Variants in TOX2 observed in about 807,000 individuals in gnomAD.
TOX2 encodes TOX high mobility group box family member 2.
Under a neutral mutation model 47.4 loss-of-function variants are expected in TOX2, and 15 were observed. The ratio of observed to expected loss-of-function variants is 0.32; its 90% CI spans 0.21 to 0.49. TOX2 has a LOEUF of 0.49. Among genes scored for constraint, TOX2 ranks in the 20% least tolerant of loss-of-function variants. The pLI, the probability that TOX2 is intolerant of heterozygous loss-of-function variation, is 0.99. For missense variants in TOX2, 622 were observed against 673.1 expected (o/e 0.92, Z 0.84); for synonymous variants, 290 against 296.6 (o/e 0.98, Z 0.23).
intron 2 of TOX2, among the ~76,000 whole-genome samples, chr20:43,976,654 C>T (rs992480647): frequency 1.5e-4 from 23 of 152,184 alleles, no homozygotes; most frequent in Non-Finnish European, 4.4e-5. Flanking sequence ...TTAGACTTTT[C>T]TGGTACCTAT....
intron 1 of TOX2, among the ~76,000 whole-genome samples, chr20:43,922,294 C>A (rs1194792578): frequency 1.3e-5 from 2 of 152,158 alleles, no homozygotes; most frequent in Non-Finnish European, 2.9e-5. Context: ...TAGTCCTATC[C>A]CTGGCCCCTA....
At chr20:43,943,008 T>G (rs1451903626) in intron 1 of TOX2, among the ~76,000 whole-genome samples, 1 of 152,082 alleles carries the variant, frequency 6.6e-6, no homozygotes, top group African/African-American at 2.4e-5. Context: ...ATTAAATACC[T>G]CCACCTGAAT....
chr20:44,006,796 A>C lies in TOX2; in HGVS notation c.411+4A>C. On this transcript the variant is annotated splice_donor_region_variant and intron_variant, in intron 3 of 8. Coordinates refer to ENST00000341197, the MANE Select transcript of TOX2 (RefSeq NM_001098797.2). ...GCTGTCGGGCCAGCTGCCCACGGTG[A>C]GTCCCTATCGCCTGCTGCAGTTCCT... The C allele has an allele frequency of 6.2e-7, 1 of 1,612,272 alleles. No homozygotes were observed. Among genetic ancestry groups the C allele is most frequent in the Non-Finnish European group, 8.5e-7 (1 of 1,179,740 alleles).
intron 1 of TOX2, among the ~76,000 whole-genome samples, chr20:43,956,762 G>A (rs946339843): frequency 2.6e-5 from 4 of 152,076 alleles, no homozygotes; most frequent in Admixed American, 2.6e-4. Flanking sequence ...CCGCAGTGGT[G>A]TGAAATATCC....
chr20:43,931,443 A>T (rs2069251658), intron 1 of TOX2, among the ~76,000 whole-genome samples: 1 of 152,090 alleles, frequency 6.6e-6, no homozygotes, highest in Non-Finnish European at 1.5e-5. Flanking sequence ...CTAAACATAC[A>T]CGTCTGTTAA....
At chr20:44,038,562 A>AGAAAAAAATTTAATTGTGGGG (rs2071276613) in intron 3 of TOX2, among the ~76,000 whole-genome samples, 1 of 152,234 alleles carries the variant, frequency 6.6e-6, no homozygotes, top group African/African-American at 2.4e-5. Flanking sequence ...TAAAAAGAAA[A>AGAAAAAAATTTAATTGTGGGG]GAAAAAAATT....
chr20:43,930,411 T>G (rs2069237383), intron 1 of TOX2, among the ~76,000 whole-genome samples: 1 of 152,224 alleles, frequency 6.6e-6, no homozygotes, highest in Admixed American at 6.5e-5. Context: ...CAGGCCCATC[T>G]CTAGCTGAGT....
At chr20:44,051,216 G>A in intron 3 of TOX2, 90 bp from the exon 4 acceptor site, 2 of 1,507,978 alleles carry the variant, frequency 1.3e-6, no homozygotes. Flanking sequence ...CTTCTCCTCT[G>A]CATTCCCTCC....
At chr20:44,022,476 A>G (rs2070991510) in intron 3 of TOX2, among the ~76,000 whole-genome samples, 2 of 152,296 alleles carry the variant, frequency 1.3e-5, no homozygotes, top group Middle Eastern at 3.4e-3. Context: ...TTCCCTGCCA[A>G]CCACATAGAG....
intron 1 of TOX2, among the ~76,000 whole-genome samples, chr20:43,969,226 C>T (rs577507128): frequency 3.3e-5 from 5 of 152,292 alleles, no homozygotes; most frequent in South Asian, 2.1e-4. Flanking sequence ...TGAACGCTGC[C>T]GTGTTGAACG....
Position 43,915,161 on chromosome 20 carries a change from A to G in TOX2, c.99+171A>G, listed in dbSNP as rs1198786774. Among the ~76,000 whole-genome samples, 2 of 152,032 alleles carry G rather than the reference A, an allele frequency of 1.3e-5. No homozygotes were observed. Among genetic ancestry groups the G allele is most frequent in the Non-Finnish European group, 2.9e-5 (2 of 67,982 alleles). ...CACGCTCACGCCCTGAGTTGTTGGG[A>G]TCGCGGGCAGAAGTCATCCCGACAG... On this transcript the variant is annotated intron_variant, in intron 1 of 8. Coordinates refer to ENST00000341197, the MANE Select transcript of TOX2 (RefSeq NM_001098797.2). The surrounding 1 kb of genome is among the most constrained non-coding windows in gnomAD (Gnocchi z 7.1).
In TOX2 at chr20:43,958,764, A is replaced by G. The variant is rs200621463; in HGVS notation, c.100-14603A>G. The stretch of plus-strand genomic sequence containing the variant: ...AGGTGCAGGCTTACAGGACTCAACA[A>G]TTTGGTGGTTGTAACCCTGGACATG... On this transcript the variant is annotated intron_variant, in intron 1 of 8. Transcript: ENST00000341197. Among the ~76,000 whole-genome samples the G allele has an allele frequency of 1.9e-4, 29 of 152,318 alleles. No individual in the cohort carries two copies. The East Asian group carries it at 5.6e-3, about 29-fold the overall frequency.
intron 3 of TOX2, among the ~76,000 whole-genome samples, chr20:44,017,078 T>G (rs1048634390): frequency 7.2e-5 from 11 of 152,364 alleles, no homozygotes; most frequent in African/African-American, 2.6e-4. Flanking sequence ...TGTCTTTCTC[T>G]GGCCCCAGAA....
intron 1 of TOX2, among the ~76,000 whole-genome samples, chr20:43,919,580 C>T (rs527902544): frequency 6.6e-6 from 1 of 152,230 alleles, no homozygotes; most frequent in African/African-American, 2.4e-5. Context: ...AGGTAAACGT[C>T]TGCCATGGTG....
At chr20:44,025,065 T>G (rs866930871) in intron 3 of TOX2, among the ~76,000 whole-genome samples, 203 of 152,332 alleles carry the variant, frequency 1.3e-3, no homozygotes, top group African/African-American at 4.5e-3. Context: ...CTTAACCTTC[T>G]GTTGATGGAC....
At chr20:43,941,259 C>G (rs1053615324) in intron 1 of TOX2, among the ~76,000 whole-genome samples, 1 of 150,794 alleles carries the variant, frequency 6.6e-6, no homozygotes, top group Non-Finnish European at 1.5e-5. Flanking sequence ...GACAAAGGTT[C>G]GAGAGTCCCA....
chr20:44,007,780 T>C (rs1310523681), intron 3 of TOX2, among the ~76,000 whole-genome samples: 1 of 152,098 alleles, frequency 6.6e-6, no homozygotes, highest in Admixed American at 6.5e-5. Context: ...GTCAAGGCTG[T>C]GGTGACAGAG....
At chr20:44,056,847 G>A (rs1382845763) in intron 5 of TOX2, among the ~76,000 whole-genome samples, 1 of 152,102 alleles carries the variant, frequency 6.6e-6, no homozygotes, top group African/African-American at 2.4e-5. Flanking sequence ...TTTAAAAAAA[G>A]TGTCTATAAT....
At chr20:43,977,788 G>T (rs937171201) in intron 2 of TOX2, among the ~76,000 whole-genome samples, 2 of 152,292 alleles carry the variant, frequency 1.3e-5, no homozygotes, top group South Asian at 4.1e-4. Context: ...CTCCAGGGGG[G>T]TAGAGGACCT....
Sources: allele counts gnomAD v4.1 joint callset (sites outside exome capture counted in the v4.1 genomes callset), GRCh38; gene constraint gnomAD v4.1.1; non-coding constraint Gnocchi (gnomAD v3.1); transcripts MANE v1.5; gene names NCBI Gene and HGNC (gene_info 2026-07-23, HGNC 2026-07-21).